The following TBC1D4 variants were observed in gnomAD, a reference collection of about 807,000 sequenced individuals.
The protein encoded by TBC1D4 is TBC1 domain family member 4.
Under a neutral mutation model 142.5 loss-of-function variants are expected in TBC1D4, and 121 were observed. The observed-to-expected ratio is 0.85, with a 90% CI of 0.73 to 0.99. The LOEUF (loss-of-function observed/expected upper bound fraction) is 0.99. Ranked by LOEUF, TBC1D4 falls within the 50% of genes least tolerant of loss-of-function variation. The probability of loss-of-function intolerance (pLI) is 0.00; values close to 1 mark genes in which losing one functional copy is unlikely to be tolerated. For synonymous variants in TBC1D4, 630 were observed against 628.2 expected (o/e 1.00, Z -0.04); for missense variants, 1,475 against 1,606.6 (o/e 0.92, Z 1.40).
chr13:75,477,476 C>T (rs1169046506), intron 1 of TBC1D4, among the ~76,000 whole-genome samples: 2 of 152,076 alleles, frequency 1.3e-5, no homozygotes, highest in Non-Finnish European at 2.9e-5. Context: ...AACATTATAA[C>T]AATCATGTTT....
At chr13:75,316,152 T>C (rs1161472592) in intron 12 of TBC1D4, among the ~76,000 whole-genome samples, 1 of 152,176 alleles carries the variant, frequency 6.6e-6, no homozygotes, top group African/African-American at 2.4e-5. Context: ...CTTTTAAGAA[T>C]CACCTTCCAA....
chr13:75,459,859 T>C (rs73221951), intron 1 of TBC1D4, among the ~76,000 whole-genome samples: 4,631 of 152,228 alleles, frequency 0.03, 92 homozygotes, highest in Non-Finnish European at 0.044. Context: ...ATAATACATA[T>C]TGGCAAGGCG....
In TBC1D4 at chr13:75,286,663, C is replaced by CT. The variant is rs1300921549; in HGVS notation, c.*128dup. On this transcript the variant is annotated 3_prime_UTR_variant, in exon 21 of 21. Coordinates refer to ENST00000377636, the MANE Select transcript of TBC1D4 (RefSeq NM_014832.5). ...TGAGCACGAGGTCCACCTGCTGTGA[C>CT]TAGGCGCTCAGCACCAGTATTAGGT... 1 of 905,980 alleles carries CT rather than the reference C, an allele frequency of 1.1e-6. No individual in the cohort carries two copies. Among genetic ancestry groups the CT allele is most frequent in the Non-Finnish European group, 1.8e-6 (1 of 567,438 alleles). 56.1% of individuals were successfully genotyped at this position (905,980 alleles called of 1,614,324 possible). A position where few individuals can be genotyped will look rare whatever the true frequency, so the allele number is the denominator to read the frequency against.
chr13:75,283,574 T>G lies in TBC1D4; in HGVS notation c.*3218A>C, dbSNP rs565148642. 1.3e-5 allele frequency among the ~76,000 whole-genome samples: 2 copies of G among 152,362 alleles called. No individual in the cohort carries two copies. Among genetic ancestry groups the G allele is most frequent in the Admixed American group, 1.3e-4 (2 of 15,302 alleles). ...TGCATATTTTATATAAAAACATTCA[T>G]ATCACATCCATCAGTAAATGTCCTT... On this transcript the variant is annotated 3_prime_UTR_variant, in exon 21 of 21. Transcript: ENST00000377636.
chr13:75,330,623 G>A (rs940991089), intron 8 of TBC1D4, among the ~76,000 whole-genome samples: 3 of 152,276 alleles, frequency 2.0e-5, no homozygotes, highest in African/African-American at 7.2e-5. Context: ...TTTGACACAG[G>A]AAGCACAATT....
intron 1 of TBC1D4, among the ~76,000 whole-genome samples, chr13:75,468,905 ACATTC>A (rs1888277115): frequency 6.6e-6 from 1 of 152,234 alleles, no homozygotes; most frequent in Non-Finnish European, 1.5e-5. Flanking sequence ...TGTGAAGCTT[ACATTC>A]CAGAGGTGGT....
At chr13:75,421,956 G>T (rs528937241) in intron 1 of TBC1D4, among the ~76,000 whole-genome samples, 1 of 152,146 alleles carries the variant, frequency 6.6e-6, no homozygotes, top group Non-Finnish European at 1.5e-5. Context: ...CACATTTCGG[G>T]TATTAAATAC....
chr13:75,371,541 G>C (rs1418470883), intron 1 of TBC1D4, among the ~76,000 whole-genome samples: 1 of 152,152 alleles, frequency 6.6e-6, no homozygotes, highest in African/African-American at 2.4e-5. Flanking sequence ...GCTAAGATGA[G>C]GATGGGGAAG....
At chr13:75,377,741 T>C (rs1883600960) in intron 1 of TBC1D4, among the ~76,000 whole-genome samples, 2 of 150,178 alleles carry the variant, frequency 1.3e-5, no homozygotes, top group African/African-American at 4.9e-5. Flanking sequence ...TTTATCAGTA[T>C]GTGTGTGTGC....
chr13:75,289,805 A>G (rs1875087331), intron 19 of TBC1D4, among the ~76,000 whole-genome samples: 1 of 152,186 alleles, frequency 6.6e-6, no homozygotes, highest in South Asian at 2.1e-4. Context: ...CTTTGAAGCT[A>G]GAGGACAGTT....
At chr13:75,414,250 G>A (rs1048137408) in intron 1 of TBC1D4, among the ~76,000 whole-genome samples, 4 of 152,154 alleles carry the variant, frequency 2.6e-5, no homozygotes, top group African/African-American at 7.2e-5. Flanking sequence ...TTAAACAAAG[G>A]CCAGGTCACT....
chr13:75,322,131 G>A (rs1355013618), intron 11 of TBC1D4, among the ~76,000 whole-genome samples: 10 of 152,192 alleles, frequency 6.6e-5, no homozygotes, highest in Non-Finnish European at 1.3e-4. Flanking sequence ...ATTGAGCTGT[G>A]TGCTTTCAAT....
chr13:75,389,330 G>A (rs1884345798), intron 1 of TBC1D4, among the ~76,000 whole-genome samples: 1 of 152,138 alleles, frequency 6.6e-6, no homozygotes, highest in East Asian at 1.9e-4. Flanking sequence ...GCCTTGAAAG[G>A]AGATTTTGGA....
intron 1 of TBC1D4, among the ~76,000 whole-genome samples, chr13:75,437,307 C>A (rs193006155): frequency 6.6e-6 from 1 of 152,132 alleles, no homozygotes; most frequent in Admixed American, 6.6e-5. Context: ...ATTAAGGGGG[C>A]AGGACAGCAT....
chr13:75,295,349 T>C (rs977392369), intron 17 of TBC1D4, among the ~76,000 whole-genome samples: 5 of 152,190 alleles, frequency 3.3e-5, no homozygotes, highest in African/African-American at 4.8e-5. Flanking sequence ...AGGAACCTCA[T>C]AGAAAATCCC....
At chr13:75,349,593 A>C (rs547706248) in intron 4 of TBC1D4, among the ~76,000 whole-genome samples, 2 of 152,206 alleles carry the variant, frequency 1.3e-5, no homozygotes, top group African/African-American at 4.8e-5. Flanking sequence ...CGTCACAGAG[A>C]GTTTAATTAG....
rs890810401 is a variant in TBC1D4 at position 75,286,129 on chromosome 13, G to A, written c.*663C>T. 1.3e-5 allele frequency: 2 copies of A among 152,830 alleles called. No individual in the cohort carries two copies. Among genetic ancestry groups the A allele is most frequent in the Non-Finnish European group, 2.9e-5 (2 of 68,294 alleles). 9.5% of individuals were successfully genotyped at this position (152,830 alleles called of 1,614,324 possible). A position where few individuals can be genotyped will look rare whatever the true frequency, so the allele number is the denominator to read the frequency against. On this transcript the variant is annotated 3_prime_UTR_variant, in exon 21 of 21. Transcript: ENST00000377636. ...TCTCTTTATGTATGTTTAAAGTAAT[G>A]CCTAACCAGACTCATAATGCATGTA...
intron 1 of TBC1D4, among the ~76,000 whole-genome samples, chr13:75,419,707 T>C (rs1017824721): frequency 3.9e-5 from 6 of 152,176 alleles, no homozygotes; most frequent in Non-Finnish European, 8.8e-5. Flanking sequence ...GTCACCTCCA[T>C]CTGGTACATA....
chr13:75,481,200 G>GC, intron 1 of TBC1D4, 70 bp downstream of exon 1: 2 of 633,012 alleles, frequency 3.2e-6, no homozygotes, highest in Non-Finnish European at 5.3e-6. Flanking sequence ...TGGGGTCCCC[G>GC]CCCCTCCCGC....
Sources: gnomAD v4.1 joint callset for allele counts (sites outside exome capture counted in the v4.1 genomes callset) on GRCh38, gnomAD v4.1.1 for gene constraint, MANE v1.5 for transcripts, NCBI Gene and HGNC (gene_info 2026-07-23, HGNC 2026-07-21) for gene names.